The following TAFA1 variants were observed in gnomAD, a reference collection of about 807,000 sequenced individuals.
TAFA1 encodes TAFA chemokine like family member 1.
In TAFA1, 4 loss-of-function variants were observed where a neutral mutation model predicts 18.5. The observed-to-expected ratio is 0.22, with a 90% CI of 0.11 to 0.49. The LOEUF is 0.49. Ranked by LOEUF, TAFA1 falls within the 20% of genes least tolerant of loss-of-function variation. The probability of loss-of-function intolerance (pLI) is 0.98; values close to 1 mark genes in which losing one functional copy is unlikely to be tolerated. For synonymous variants in TAFA1, 56 were observed against 55.2 expected (o/e 1.01, Z -0.06); for missense variants, 147 against 169.0 (o/e 0.87, Z 0.72).
chr3:68,082,340 C>G (rs1175778043), intron 2 of TAFA1, among the ~76,000 whole-genome samples: 1 of 152,186 alleles, frequency 6.6e-6, no homozygotes, highest in Non-Finnish European at 1.5e-5. Context: ...CTCCTCCCCC[C>G]TGTTCCTACT....
intron 2 of TAFA1, among the ~76,000 whole-genome samples, chr3:68,235,293 A>G (rs1406007990): frequency 1.3e-5 from 2 of 152,184 alleles, no homozygotes; most frequent in Non-Finnish European, 2.9e-5. Context: ...TATGAAATCC[A>G]TCTTAGAGAT....
intron 2 of TAFA1, among the ~76,000 whole-genome samples, chr3:68,341,053 C>T (rs60702748): frequency 0.039 from 6,006 of 152,118 alleles, 410 homozygotes; most frequent in African/African-American, 0.14. Context: ...AAGAGAATAA[C>T]CACCCAATGG....
intron 2 of TAFA1, among the ~76,000 whole-genome samples, chr3:68,332,235 AG>A (rs1224703731): frequency 1.3e-5 from 2 of 152,112 alleles, no homozygotes; most frequent in African/African-American, 2.4e-5. Context: ...GAAAAAAAAA[AG>A]AAATTGGATC....
chr3:68,280,911 A>G (rs2067887012), intron 2 of TAFA1, among the ~76,000 whole-genome samples: 1 of 152,126 alleles, frequency 6.6e-6, no homozygotes, highest in Non-Finnish European at 1.5e-5. Context: ...CCTCTCTGAC[A>G]CCTAATCTCG....
At chr3:68,135,253 G>A (rs1445317880) in intron 2 of TAFA1, among the ~76,000 whole-genome samples, 2 of 152,182 alleles carry the variant, frequency 1.3e-5, no homozygotes, top group Non-Finnish European at 2.9e-5. Context: ...TTAGTAAAGA[G>A]GAAGGGAAAA....
At chr3:68,528,020 A>G (rs2073132165) in intron 3 of TAFA1, among the ~76,000 whole-genome samples, 1 of 152,188 alleles carries the variant, frequency 6.6e-6, no homozygotes, top group Non-Finnish European at 1.5e-5. Context: ...TATAATGTAG[A>G]TCCTCTAAAG....
At chr3:68,532,906 A>ATAAT (rs2073211306) in intron 3 of TAFA1, among the ~76,000 whole-genome samples, 1 of 150,440 alleles carries the variant, frequency 6.6e-6, no homozygotes, top group Non-Finnish European at 1.5e-5. Flanking sequence ...AATAATAATA[A>ATAAT]TAATAAAAGT....
intron 3 of TAFA1, among the ~76,000 whole-genome samples, chr3:68,483,298 A>AGAGTCTAC (rs1453961269): frequency 2.1e-5 from 1 of 47,914 alleles, no homozygotes; most frequent in East Asian, 8.4e-4. Flanking sequence ...TTGTTGACCA[A>AGAGTCTAC]GTATGGTCTC....
chr3:68,362,092 G>C (rs1049925671), intron 2 of TAFA1, among the ~76,000 whole-genome samples: 1 of 152,050 alleles, frequency 6.6e-6, no homozygotes, highest in Non-Finnish European at 1.5e-5. Flanking sequence ...GTTGGGTTGG[G>C]TTTTGTTGGT....
At chr3:68,455,902 A>G (rs970423915) in intron 3 of TAFA1, among the ~76,000 whole-genome samples, 2 of 152,116 alleles carry the variant, frequency 1.3e-5, no homozygotes, top group Non-Finnish European at 2.9e-5. Context: ...CAAACTTTTT[A>G]TAGAGTGTCA....
At chr3:68,379,743 T>C (rs1244363530) in intron 2 of TAFA1, among the ~76,000 whole-genome samples, 1 of 151,430 alleles carries the variant, frequency 6.6e-6, no homozygotes, top group Non-Finnish European at 1.5e-5. Flanking sequence ...TTTGAGTCTG[T>C]CTCCAAAGTT....
At chr3:68,465,250 C>T (rs1208535021) in intron 3 of TAFA1, among the ~76,000 whole-genome samples, 3 of 152,138 alleles carry the variant, frequency 2.0e-5, no homozygotes, top group Non-Finnish European at 4.4e-5. Flanking sequence ...CTGGGAACAA[C>T]TAGCTTTGCA....
Position 68,412,982 on chromosome 3 carries a change from C to T in TAFA1, c.119-4298C>T, listed in dbSNP as rs367967934. Reference sequence around the variant, plus strand: ...CTTCCACAATGGTTGAACTAGTTTACAGTCCCACCAACAGTGTAAAAGTGT... The same window carrying T: ...CTTCCACAATGGTTGAACTAGTTTATAGTCCCACCAACAGTGTAAAAGTGT... On this transcript the variant is annotated intron_variant, in intron 2 of 4. Transcript: ENST00000478136. 3.9e-5 allele frequency among the ~76,000 whole-genome samples: 6 copies of T among 151,906 alleles called. No homozygotes were observed. In the East Asian group the frequency reaches 7.8e-4, roughly 20 times the overall value.
At chr3:68,156,618 T>C (rs1025894772) in intron 2 of TAFA1, among the ~76,000 whole-genome samples, 1 of 152,198 alleles carries the variant, frequency 6.6e-6, no homozygotes, top group African/African-American at 2.4e-5. Context: ...TAACCTGTTT[T>C]ATCTGTATTG....
At chr3:68,364,385 C>T (rs557726163) in intron 2 of TAFA1, among the ~76,000 whole-genome samples, 14 of 152,204 alleles carry the variant, frequency 9.2e-5, no homozygotes, top group African/African-American at 3.4e-4. Context: ...TATTTACACT[C>T]CATAGCTTGG....
At chr3:68,362,082 G>A (rs1419468070) in intron 2 of TAFA1, among the ~76,000 whole-genome samples, 1 of 152,104 alleles carries the variant, frequency 6.6e-6, no homozygotes, top group Non-Finnish European at 1.5e-5. Flanking sequence ...AAGCAATAAG[G>A]TTGGGTTGGG....
In TAFA1 at chr3:68,469,121, C is replaced by T. The variant is rs190271329; in HGVS notation, c.259+51701C>T. Among the ~76,000 whole-genome samples the T allele has an allele frequency of 4.6e-3, 698 of 151,588 alleles. 6 individuals carry two copies. The highest frequency in any genetic ancestry group is 7.4e-3 in the Non-Finnish European group (505 of 67,908). ...GAAGAACACATTTGGAGTATTTTTA[C>T]GGTTTTTAAAATACCATTAAAATAA... On this transcript the variant is annotated intron_variant, in intron 3 of 4. Coordinates refer to ENST00000478136, the MANE Select transcript of TAFA1 (RefSeq NM_213609.4).
At chr3:68,220,547 G>A (rs1278466567) in intron 2 of TAFA1, among the ~76,000 whole-genome samples, 1 of 151,710 alleles carries the variant, frequency 6.6e-6, no homozygotes, top group Non-Finnish European at 1.5e-5. Flanking sequence ...TGTCCATTCC[G>A]ATTTACAGCT....
chr3:68,061,747 C>T (rs984419653), intron 2 of TAFA1, among the ~76,000 whole-genome samples: 40 of 152,010 alleles, frequency 2.6e-4, no homozygotes, highest in South Asian at 2.1e-4. Context: ...CTGTAGTTGA[C>T]GATTAAAGGT....
Sources: gnomAD v4.1 joint callset for allele counts (sites outside exome capture counted in the v4.1 genomes callset) on GRCh38, gnomAD v4.1.1 for gene constraint, MANE v1.5 for transcripts, NCBI Gene and HGNC (gene_info 2026-07-23, HGNC 2026-07-21) for gene names.